Variants in CRACD observed in about 807,000 individuals in gnomAD.
CRACD encodes the protein capping protein-inhibiting regulator of actin dynamics.
In CRACD, 56 loss-of-function variants were observed where a neutral mutation model predicts 106.8. The observed-to-expected ratio is 0.52, with a 90% CI of 0.42 to 0.66. The LOEUF (loss-of-function observed/expected upper bound fraction) is 0.66, where lower values mean the gene tolerates loss of function less well. Ranked by LOEUF, CRACD falls within the 30% of genes least tolerant of loss-of-function variation. The pLI, the probability that CRACD is intolerant of heterozygous loss-of-function variation, is 0.00. For synonymous variants in CRACD, 754 were observed against 670.8 expected (o/e 1.12, Z -1.92); for missense variants, 1,730 against 1,623.2 (o/e 1.07, Z -1.13).
intron 1 of CRACD, among the ~76,000 whole-genome samples, chr4:56,073,782 C>T (rs1381350981): frequency 7.7e-6 from 1 of 129,794 alleles, no homozygotes; most frequent in Non-Finnish European, 1.6e-5. Flanking sequence ...TTTGCCCATG[C>T]CTATGTCCTG....
At chr4:56,286,525 C>CAAAAAAAAAGAAAAAAAA (rs1743356167) in intron 3 of CRACD, among the ~76,000 whole-genome samples, 1 of 89,382 alleles carries the variant, frequency 1.1e-5, no homozygotes, top group Non-Finnish European at 2.2e-5. Context: ...GACTCCGTCT[C>CAAAAAAAAAGAAAAAAAA]AAAAAAAAAA....
At chr4:56,074,362 T>C (rs1732762643) in intron 1 of CRACD, among the ~76,000 whole-genome samples, 1 of 152,218 alleles carries the variant, frequency 6.6e-6, no homozygotes, top group Admixed American at 6.5e-5. Context: ...CTTATTTCCT[T>C]GAGCAGTGAT....
At chr4:56,273,519 G>T (rs1463715740) in intron 3 of CRACD, among the ~76,000 whole-genome samples, 1 of 152,054 alleles carries the variant, frequency 6.6e-6, no homozygotes, top group East Asian at 1.9e-4. Context: ...GGGTCAGGAA[G>T]TACTTTCTTA....
chr4:56,078,447 C>T (rs578002167), intron 1 of CRACD, among the ~76,000 whole-genome samples: 13 of 152,294 alleles, frequency 8.5e-5, no homozygotes, highest in African/African-American at 2.6e-4. Context: ...CACTCTGTCA[C>T]CCAGGCTAGA....
intron 1 of CRACD, among the ~76,000 whole-genome samples, chr4:56,147,356 A>G (rs2086228): frequency 0.44 from 67,473 of 152,032 alleles, 15,660 homozygotes; most frequent in African/African-American, 0.57. Flanking sequence ...CATCACAATC[A>G]GTTTTAGAAC....
intron 2 of CRACD, among the ~76,000 whole-genome samples, chr4:56,224,105 A>G (rs760676185): frequency 1.3e-5 from 2 of 151,884 alleles, no homozygotes; most frequent in Non-Finnish European, 2.9e-5. Flanking sequence ...TGACAGAGCT[A>G]GTTTCTTTTT....
chr4:56,130,781 C>T (rs942889620), intron 1 of CRACD, among the ~76,000 whole-genome samples: 10 of 152,042 alleles, frequency 6.6e-5, no homozygotes, highest in Admixed American at 3.9e-4. Context: ...CATTTTCCTT[C>T]TATTCCACCC....
intron 2 of CRACD, among the ~76,000 whole-genome samples, chr4:56,241,873 C>T (rs1199447941): frequency 6.6e-6 from 1 of 152,194 alleles, no homozygotes; most frequent in Non-Finnish European, 1.5e-5. Context: ...GTTCTATGTA[C>T]ATGGCCTCAC....
intron 1 of CRACD, among the ~76,000 whole-genome samples, chr4:56,123,810 G>C (rs1270163567): frequency 2.0e-5 from 3 of 152,168 alleles, no homozygotes; most frequent in African/African-American, 7.2e-5. Context: ...AGAGATGCTG[G>C]AACCTAGACT....
intron 1 of CRACD, among the ~76,000 whole-genome samples, chr4:56,117,906 C>T (rs1268629882): frequency 6.6e-6 from 1 of 151,966 alleles, no homozygotes; most frequent in Non-Finnish European, 1.5e-5. Context: ...TTACAGGCGC[C>T]TGCCACCATG....
chr4:56,316,757 C>A (rs1745699697), intron 8 of CRACD, 68 bp downstream of exon 8: 12 of 1,494,750 alleles, frequency 8.0e-6, no homozygotes, highest in Non-Finnish European at 1.1e-5. Flanking sequence ...AAGAAGAGAT[C>A]CACACGCAGG....
chr4:56,282,300 C>T (rs533951558), intron 3 of CRACD, among the ~76,000 whole-genome samples: 18 of 152,234 alleles, frequency 1.2e-4, no homozygotes, highest in African/African-American at 4.3e-4. Flanking sequence ...CCAAAAAAGA[C>T]AAAGGATAAG....
chr4:56,168,661 A>G (rs992748745), intron 1 of CRACD, among the ~76,000 whole-genome samples: 5 of 149,256 alleles, frequency 3.3e-5, no homozygotes, highest in African/African-American at 1.2e-4. Flanking sequence ...CTGCATATTC[A>G]ACTATATATA....
intron 2 of CRACD, among the ~76,000 whole-genome samples, chr4:56,205,471 C>A (rs1054711389): frequency 7.9e-5 from 12 of 151,734 alleles, no homozygotes; most frequent in African/African-American, 2.9e-4. Flanking sequence ...GAATACCAAG[C>A]GTGCCCCGAT....
rs567629957 is a variant in CRACD, at chr4:56,268,868, C to A, written c.-188-3453C>A. On this transcript the variant is annotated intron_variant, in intron 2 of 10. Coordinates refer to ENST00000682029, the MANE Select transcript of CRACD (RefSeq NM_001393381.1). Reference sequence around the variant, plus strand: ...CTGATTATAGTTCTTAAATATTATTCATTGGAGATTTTATTGATAAGAACC... The same window carrying A: ...CTGATTATAGTTCTTAAATATTATTAATTGGAGATTTTATTGATAAGAACC... Among the ~76,000 whole-genome samples the A allele has an allele frequency of 1.5e-4, 23 of 152,282 alleles. No individual in the cohort carries two copies. In the East Asian group the frequency reaches 4.2e-3, roughly 28 times the overall value.
At chr4:56,054,919 C>T (rs1000297382) in intron 1 of CRACD, among the ~76,000 whole-genome samples, 3 of 152,128 alleles carry the variant, frequency 2.0e-5, no homozygotes, top group Non-Finnish European at 2.9e-5. Context: ...TTTCAAGTGG[C>T]GTACTTAGGG....
At chr4:56,205,480 A>C (rs570821012) in intron 2 of CRACD, among the ~76,000 whole-genome samples, 72 of 152,082 alleles carry the variant, frequency 4.7e-4, no homozygotes, top group Non-Finnish European at 8.7e-4. Flanking sequence ...GCGTGCCCCG[A>C]TAAACTGTTC....
At chr4:56,134,443 G>A (rs1004842511) in intron 1 of CRACD, among the ~76,000 whole-genome samples, 1 of 152,116 alleles carries the variant, frequency 6.6e-6, no homozygotes, top group Non-Finnish European at 1.5e-5. Context: ...AATTTCATGT[G>A]TCTACACCAT....
intron 1 of CRACD, among the ~76,000 whole-genome samples, chr4:56,128,614 C>G (rs898848618): frequency 2.0e-5 from 3 of 152,010 alleles, no homozygotes; most frequent in Non-Finnish European, 2.9e-5. Context: ...AAATGATGTT[C>G]AAATAAGATG....
Sources: gnomAD v4.1 joint callset for allele counts (sites outside exome capture counted in the v4.1 genomes callset) on GRCh38, gnomAD v4.1.1 for gene constraint, MANE v1.5 for transcripts, NCBI Gene and HGNC (gene_info 2026-07-23, HGNC 2026-07-21) for gene names.